The following CD38 variants were observed in gnomAD, a reference collection of about 807,000 sequenced individuals.
CD38 encodes ADP-ribosyl cyclase/cyclic ADP-ribose hydrolase 1.
In CD38, 31 loss-of-function variants were observed where a neutral mutation model predicts 36.3. The ratio of observed to expected loss-of-function variants is 0.85; its 90% CI spans 0.64 to 1.15. The LOEUF (loss-of-function observed/expected upper bound fraction) is 1.15. Ranked by LOEUF, CD38 falls within the 50% of genes most tolerant of loss-of-function variation. The pLI, the probability that CD38 is intolerant of heterozygous loss-of-function variation, is 0.00. For synonymous variants in CD38, 131 were observed against 135.2 expected, an observed-to-expected ratio of 0.97 and a Z score of 0.22; for missense variants, 380 against 371.9, an observed-to-expected ratio of 1.02 and a Z score of -0.18.
In CD38 at chr4:15,778,612, A is replaced by G. The variant is rs1471029477; in HGVS notation, c.198A>G (p.Arg66=). Residue 66 remains arginine, a synonymous_variant, in exon 1 of 8, where the codon CGA becomes CGG. Transcript: ENST00000226279. This position sits in a 1 kb window ranked among gnomAD's most constrained non-coding sequence, Gnocchi z 4.9. ...GCTTTCCCGAGACCGTCCTGGCGCG[A>G]TGCGTCAAGTACACTGAAATTCATC... ...TKRFPETVLA[R]CVKYTEIHPE... The G allele has an allele frequency of 1.2e-6, 2 of 1,613,596 alleles. No individual in the cohort carries two copies. Among genetic ancestry groups the G allele is most frequent in the Non-Finnish European group, 1.7e-6 (2 of 1,179,846 alleles).
At chr4:15,824,818 G>T (rs1723813274) in intron 2 of CD38, 63 bp from the exon 3 acceptor site, 3 of 1,305,682 alleles carry the variant, frequency 2.3e-6, no homozygotes, top group South Asian at 2.6e-5. Context: ...ACAAAACTGT[G>T]GATTAATTTT....
At chr4:15,787,933 G>A (rs1243439344) in intron 1 of CD38, among the ~76,000 whole-genome samples, 1 of 152,164 alleles carries the variant, frequency 6.6e-6, no homozygotes, top group African/African-American at 2.4e-5. Context: ...GTTGGTTTCC[G>A]GAAGTAAACA....
chr4:15,785,463 C>A (rs55814380), intron 1 of CD38, among the ~76,000 whole-genome samples: 2,882 of 152,122 alleles, frequency 0.019, 87 homozygotes, highest in African/African-American at 0.066. Flanking sequence ...GCTCAAAACA[C>A]ACACTTGCTC....
intron 1 of CD38, among the ~76,000 whole-genome samples, chr4:15,780,703 T>C (rs1291424432): frequency 2.6e-5 from 4 of 152,220 alleles, no homozygotes; most frequent in Non-Finnish European, 5.9e-5. Flanking sequence ...GACAGTTTTA[T>C]TTTCAAACCC....
Position 15,850,431 on chromosome 4 carries a change from T to C in CD38, c.*1829T>C, listed in dbSNP as rs893581164. ...AATGTTGGAGTCAGGCATTTCTGGA[T>C]TCATATTTTGACATCATGCTGTCAT... On this transcript the variant is annotated 3_prime_UTR_variant, in exon 8 of 8. Transcript: ENST00000226279. 1 of 152,214 alleles carries C rather than the reference T, an allele frequency of 6.6e-6. No individual in the cohort carries two copies. The highest frequency in any genetic ancestry group is 1.5e-5 in the Non-Finnish European group (1 of 68,038). The allele number at this position is 152,214 out of a possible 1,614,324, so 9.4% of individuals were successfully genotyped here. A position where few individuals can be genotyped will look rare whatever the true frequency, so the allele number is the denominator to read the frequency against.
intron 7 of CD38, among the ~76,000 whole-genome samples, chr4:15,847,526 A>T (rs1488517346): frequency 9.0e-6 from 1 of 110,954 alleles, no homozygotes; most frequent in African/African-American, 3.8e-5. Flanking sequence ...AACCTGCACA[A>T]TGTGCACATG....
chr4:15,832,111 C>G (rs1723972221), intron 3 of CD38, among the ~76,000 whole-genome samples: 1 of 152,060 alleles, frequency 6.6e-6, no homozygotes, highest in Non-Finnish European at 1.5e-5. Flanking sequence ...GTTATTTGTA[C>G]TTTTCAGCTC....
intron 1 of CD38, among the ~76,000 whole-genome samples, chr4:15,801,544 A>G (rs1425893131): frequency 6.6e-6 from 1 of 152,164 alleles, no homozygotes; most frequent in Non-Finnish European, 1.5e-5. Context: ...AAGTTCCTCA[A>G]CAAAATACTA....
chr4:15,808,740 CT>C (rs1183064392), intron 1 of CD38, among the ~76,000 whole-genome samples: 1 of 152,212 alleles, frequency 6.6e-6, no homozygotes, highest in African/African-American at 2.4e-5. Context: ...TTATGAATTA[CT>C]TTCAGATTTG....
At chr4:15,837,004 G>T (rs2148927702) in intron 4 of CD38, among the ~76,000 whole-genome samples, 1 of 152,274 alleles carries the variant, frequency 6.6e-6, no homozygotes, top group South Asian at 2.1e-4. Context: ...ATAATTCATT[G>T]AGTACTTACT....
chr4:15,780,567 CAT>C (rs1283684778), intron 1 of CD38, among the ~76,000 whole-genome samples: 23 of 139,846 alleles, frequency 1.6e-4, no homozygotes, highest in Admixed American at 5.1e-4. Context: ...CACACACACA[CAT>C]ACAGTCTTAC....
intron 3 of CD38, chr4:15,825,230 C>T (rs540471139): frequency 3.0e-5 from 15 of 502,684 alleles, no homozygotes; most frequent in Non-Finnish European, 3.5e-5. Flanking sequence ...CTCACAGTTA[C>T]GCAGGCTGTA....
chr4:15,833,319 TC>T (rs752339947), intron 3 of CD38, among the ~76,000 whole-genome samples: 1 of 152,192 alleles, frequency 6.6e-6, no homozygotes, highest in Non-Finnish European at 1.5e-5. Flanking sequence ...CAAGGGCTCT[TC>T]AGTTAGTAGG....
Position 15,852,195 on chromosome 4 carries a change from T to C in CD38, c.*3593T>C, listed in dbSNP as rs1274520966. ...ATTTGTGTCAACGTGTTTAGTGCCA[T>C]GTCCACGTCTCTCATGTAACTGGCA... On this transcript the variant is annotated 3_prime_UTR_variant, in exon 8 of 8. Coordinates refer to ENST00000226279, the MANE Select transcript of CD38 (RefSeq NM_001775.4). 6.6e-6 allele frequency: 1 copy of C among 152,248 alleles called. No homozygotes were observed. Among genetic ancestry groups the C allele is most frequent in the African/African-American group, 2.4e-5 (1 of 41,458 alleles). 9.4% of individuals were successfully genotyped at this position (152,248 alleles called of 1,614,324 possible). A position where few individuals can be genotyped will look rare whatever the true frequency, so the allele number is the denominator to read the frequency against.
In CD38 at chr4:15,778,723, T is replaced by G. The variant is rs1186967995; in HGVS notation, c.233+76T>G. 2 of 1,082,082 alleles carry G rather than the reference T, an allele frequency of 1.8e-6. No homozygotes were observed. Among genetic ancestry groups the G allele is most frequent in the Non-Finnish European group, 2.7e-6 (2 of 733,038 alleles). 67.0% of individuals were successfully genotyped at this position (1,082,082 alleles called of 1,614,324 possible). ...CCCGCGCGCAGGGAAGCCGCCCGGA[T>G]CGCCCGGAACCGGGCATCTTCCGTG... On this transcript the variant is annotated intron_variant, in intron 1 of 7. Coordinates refer to ENST00000226279, the MANE Select transcript of CD38 (RefSeq NM_001775.4). This position sits in a 1 kb window ranked among gnomAD's most constrained non-coding sequence, Gnocchi z 4.9.
At chr4:15,814,894 C>T (rs1305254176) in intron 1 of CD38, among the ~76,000 whole-genome samples, 7 of 151,824 alleles carry the variant, frequency 4.6e-5, no homozygotes, top group African/African-American at 1.7e-4. Context: ...GCAACCTCCG[C>T]CTCCCTGGTT....
At chr4:15,823,849 A>G (rs890992091) in intron 2 of CD38, among the ~76,000 whole-genome samples, 6 of 152,212 alleles carry the variant, frequency 3.9e-5, no homozygotes, top group Non-Finnish European at 8.8e-5. Context: ...AGATATGTGC[A>G]TGCATATGTT....
chr4:15,833,829 A>G (rs754735443), intron 3 of CD38, among the ~76,000 whole-genome samples: 3 of 152,222 alleles, frequency 2.0e-5, no homozygotes, highest in Non-Finnish European at 2.9e-5. Flanking sequence ...GGGGCAGGAA[A>G]CACAGCAAGA....
intron 1 of CD38, among the ~76,000 whole-genome samples, chr4:15,812,506 G>A (rs529774345): frequency 1.2e-3 from 183 of 152,198 alleles, no homozygotes; most frequent in Non-Finnish European, 2.1e-3. Flanking sequence ...GACCAGCCTG[G>A]CCAACCTGGT....
Sources: allele counts gnomAD v4.1 joint callset (sites outside exome capture counted in the v4.1 genomes callset), GRCh38; gene constraint gnomAD v4.1.1; non-coding constraint Gnocchi (gnomAD v3.1); transcripts MANE v1.5; gene names NCBI Gene and HGNC (gene_info 2026-07-23, HGNC 2026-07-21).